Variants in TSHZ1 observed in about 807,000 individuals in gnomAD.
The protein encoded by TSHZ1 is teashirt zinc finger homeobox 1.
TSHZ1 carries 12 observed loss-of-function variants against 67.1 expected under a neutral mutation model. The ratio of observed to expected loss-of-function variants is 0.18; its 90% CI spans 0.11 to 0.29. The LOEUF is 0.29. TSHZ1 is among the 10% of genes least tolerant of loss of function. The pLI is 1.00. For missense variants in TSHZ1, 1,305 were observed against 1,413.9 expected, an observed-to-expected ratio of 0.92 and a Z score of 1.23; for synonymous variants, 632 against 622.4, an observed-to-expected ratio of 1.02 and a Z score of -0.23.
intron 1 of TSHZ1, among the ~76,000 whole-genome samples, chr18:75,276,524 C>A: frequency 6.6e-6 from 1 of 152,166 alleles, no homozygotes; most frequent in Middle Eastern, 3.4e-3. Context: ...CTCTCCATAA[C>A]GAAGGTGACG....
intron 1 of TSHZ1, among the ~76,000 whole-genome samples, chr18:75,225,448 C>T (rs2022911997): frequency 6.6e-6 from 1 of 152,202 alleles, no homozygotes; most frequent in Non-Finnish European, 1.5e-5. Context: ...CCTGTCCACG[C>T]CGCTTTCTTC....
chr18:75,215,322 A>G (rs2022752132), intron 1 of TSHZ1, among the ~76,000 whole-genome samples: 1 of 152,214 alleles, frequency 6.6e-6, no homozygotes, highest in Admixed American at 6.5e-5. Context: ...ATCTGTAAAT[A>G]TGTGGACTAG....
chr18:75,278,336 T>C (rs780444415), intron 1 of TSHZ1, among the ~76,000 whole-genome samples: 4 of 152,160 alleles, frequency 2.6e-5, no homozygotes, highest in Non-Finnish European at 5.9e-5. Flanking sequence ...ATCCAAGCAC[T>C]CCTTCCTTGC....
intron 1 of TSHZ1, among the ~76,000 whole-genome samples, chr18:75,257,738 C>T (rs2023378177): frequency 6.6e-6 from 1 of 152,122 alleles, no homozygotes; most frequent in Non-Finnish European, 1.5e-5. Context: ...TTTGTACGCG[C>T]CCTTCCTCCT....
intron 1 of TSHZ1, among the ~76,000 whole-genome samples, chr18:75,237,172 C>T (rs907127516): frequency 3.3e-5 from 5 of 152,124 alleles, no homozygotes; most frequent in African/African-American, 7.2e-5. Flanking sequence ...CGTGTCAGGG[C>T]GGTTCCTGCA....
intron 1 of TSHZ1, among the ~76,000 whole-genome samples, chr18:75,242,322 C>T (rs970337339): frequency 3.9e-5 from 6 of 152,346 alleles, no homozygotes; most frequent in South Asian, 2.1e-4. Context: ...CAGTGACACA[C>T]GAGCTGGCTG....
Position 75,288,530 on chromosome 18 carries a change from C to T in TSHZ1, c.3123C>T (p.Leu1041=). The T allele has an allele frequency of 6.2e-7, 1 of 1,614,246 alleles. No homozygotes were observed. The highest frequency in any genetic ancestry group is 1.3e-5 in the African/African-American group (1 of 75,064). ...EDLGSTFQCK[L]CNRTFASKHA... is the part of the protein sequence containing the mutation. ...TGGGCTCCACATTCCAATGTAAGCT[C>T]TGCAACCGGACTTTTGCGAGCAAGC... is the stretch of plus-strand genomic sequence containing the variant. Residue 1041 remains leucine, a synonymous_variant, in exon 2 of 2, where the codon CTC becomes CTT. Coordinates refer to ENST00000580243, the MANE Select transcript of TSHZ1 (RefSeq NM_001308210.2). This position sits in a 1 kb window ranked among gnomAD's most constrained non-coding sequence, Gnocchi z 4.9.
chr18:75,224,310 C>T (rs750522817), intron 1 of TSHZ1, among the ~76,000 whole-genome samples: 1 of 152,128 alleles, frequency 6.6e-6, no homozygotes, highest in Admixed American at 6.5e-5. Flanking sequence ...GGATTTCTTT[C>T]TCTTCTTAAA....
intron 1 of TSHZ1, among the ~76,000 whole-genome samples, chr18:75,269,636 G>T (rs2023533586): frequency 1.3e-5 from 2 of 152,172 alleles, no homozygotes; most frequent in Admixed American, 1.3e-4. Flanking sequence ...GTAGTAAAAT[G>T]TACAAAATTG....
At chr18:75,267,861 A>G (rs1337216339) in intron 1 of TSHZ1, among the ~76,000 whole-genome samples, 2 of 152,216 alleles carry the variant, frequency 1.3e-5, no homozygotes, top group African/African-American at 4.8e-5. Flanking sequence ...AGACAGCACT[A>G]CACCTCATGA....
chr18:75,244,404 GAAATGCAATAATTTCTT>G (rs2023197211), intron 1 of TSHZ1, among the ~76,000 whole-genome samples: 1 of 152,324 alleles, frequency 6.6e-6, no homozygotes, highest in East Asian at 1.9e-4. Context: ...AACATTTTGA[GAAATGCAATAATTTCTT>G]AAATGCAATG....
In TSHZ1 at chr18:75,286,686, A is replaced by T. The variant is rs765563523; in HGVS notation, c.1279A>T (p.Thr427Ser). Residue 427 changes from threonine (T) to serine (S), a missense_variant, in exon 2 of 2, where the codon ACG becomes TCG. Thr to Ser is a moderately conservative substitution (Grantham distance 58). Transcript: ENST00000580243. The surrounding 1 kb of genome is among the most constrained non-coding windows in gnomAD (Gnocchi z 5.1). ...KCMECGSSHDTLQQLTAHMMV... is the reference protein window; with the variant it reads ...KCMECGSSHDSLQQLTAHMMV... ...CATGGAGTGTGGCAGCTCCCACGAC[A>T]CGCTGCAGCAGCTCACCGCCCACAT... 1 of 1,614,128 alleles carries T rather than the reference A, an allele frequency of 6.2e-7. No homozygotes were observed. The highest frequency in any genetic ancestry group is 1.1e-5 in the South Asian group (1 of 91,082).
chr18:75,232,300 G>T (rs1262305198), intron 1 of TSHZ1, among the ~76,000 whole-genome samples: 3 of 152,020 alleles, frequency 2.0e-5, no homozygotes, highest in Non-Finnish European at 4.4e-5. Flanking sequence ...GTTTTAATGC[G>T]TCTACACAGA....
intron 1 of TSHZ1, among the ~76,000 whole-genome samples, chr18:75,263,007 G>A (rs542530441): frequency 6.6e-5 from 10 of 152,260 alleles, no homozygotes; most frequent in Admixed American, 4.6e-4. Flanking sequence ...CAGCAGTGTC[G>A]TATGATTAAG....
At chr18:75,273,737 A>G (rs1307597309) in intron 1 of TSHZ1, among the ~76,000 whole-genome samples, 3 of 152,238 alleles carry the variant, frequency 2.0e-5, no homozygotes, top group African/African-American at 4.8e-5. Flanking sequence ...CATGTTGCTC[A>G]GGATGACAGC....
chr18:75,269,186 C>T (rs1211796441), intron 1 of TSHZ1, among the ~76,000 whole-genome samples: 1 of 152,326 alleles, frequency 6.6e-6, no homozygotes, highest in East Asian at 1.9e-4. Flanking sequence ...AAATTGACAT[C>T]ACATGTATGG....
intron 1 of TSHZ1, among the ~76,000 whole-genome samples, chr18:75,234,708 G>C (rs1355168953): frequency 6.6e-6 from 1 of 152,038 alleles, no homozygotes; most frequent in East Asian, 1.9e-4. Flanking sequence ...TGAGGTTGTG[G>C]ATATTTCTAT....
At chr18:75,270,519 C>T (rs1334220889) in intron 1 of TSHZ1, among the ~76,000 whole-genome samples, 1 of 151,902 alleles carries the variant, frequency 6.6e-6, no homozygotes, top group Non-Finnish European at 1.5e-5. Flanking sequence ...TACAAGTGTG[C>T]TGGGAAAATA....
intron 1 of TSHZ1, among the ~76,000 whole-genome samples, chr18:75,229,703 AAAG>A (rs1201325080): frequency 2.0e-5 from 3 of 152,214 alleles, no homozygotes; most frequent in Non-Finnish European, 2.9e-5. Context: ...ATAGTAGGTG[AAAG>A]AAGAAAGCAG....
Sources: allele counts gnomAD v4.1 joint callset (sites outside exome capture counted in the v4.1 genomes callset), GRCh38; gene constraint gnomAD v4.1.1; non-coding constraint Gnocchi (gnomAD v3.1); transcripts MANE v1.5; gene names NCBI Gene and HGNC (gene_info 2026-07-23, HGNC 2026-07-21).